The following CAPS2 variants were observed in gnomAD, a reference collection of about 807,000 sequenced individuals.
CAPS2 encodes the protein calcyphosin-2.
A neutral mutation model predicts 86.5 loss-of-function variants in CAPS2; 98 were observed. That is an observed-to-expected ratio of 1.13 (90% CI 0.96 to 1.34). CAPS2 has a LOEUF of 1.34. CAPS2 is among the 40% of genes most tolerant of loss of function. The pLI is 0.00. For synonymous variants in CAPS2, 210 were observed against 225.1 expected (o/e 0.93, Z 0.60); for missense variants, 729 against 686.8 (o/e 1.06, Z -0.69).
chr12:75,351,188 T>G (rs1344790922), intron 1 of CAPS2, among the ~76,000 whole-genome samples: 2 of 152,148 alleles, frequency 1.3e-5, no homozygotes, highest in African/African-American at 2.4e-5. Flanking sequence ...TATGAGATTA[T>G]GTAAGATTGA....
chr12:75,295,834 A>G (rs1251211566), intron 11 of CAPS2, among the ~76,000 whole-genome samples: 1 of 152,258 alleles, frequency 6.6e-6, no homozygotes. Flanking sequence ...TTAATCTTTT[A>G]GATCTTCATA....
chr12:75,295,335 T>C (rs895253129), intron 11 of CAPS2, among the ~76,000 whole-genome samples: 1 of 152,202 alleles, frequency 6.6e-6, no homozygotes, highest in Non-Finnish European at 1.5e-5. Context: ...ATAAAGCCTT[T>C]TGGGAAACCA....
At chr12:75,369,417 G>GC (rs1302844441) in intron 1 of CAPS2, 1 of 594,946 alleles carries the variant, frequency 1.7e-6, no homozygotes, top group African/African-American at 2.0e-5. Context: ...TCCAAAGCTA[G>GC]AATCATGCTG....
At chr12:75,343,898 A>G in intron 1 of CAPS2, 2 of 1,611,620 alleles carry the variant, frequency 1.2e-6, no homozygotes, top group Non-Finnish European at 8.5e-7. Context: ...TATGATTTTG[A>G]TAGTCTATCA....
At chr12:75,345,242 C>T (rs556463372) in intron 1 of CAPS2, among the ~76,000 whole-genome samples, 1 of 152,178 alleles carries the variant, frequency 6.6e-6, no homozygotes, top group Admixed American at 6.5e-5. Context: ...GGCAATAAAC[C>T]AGGACAATTA....
chr12:75,377,840 G>GATATATATATATATATAT (rs71078726), intron 1 of CAPS2, among the ~76,000 whole-genome samples: 2 of 146,970 alleles, frequency 1.4e-5, no homozygotes, highest in Admixed American at 6.8e-5. Flanking sequence ...AACCATCACA[G>GATATATATATATATATAT]ATATATATAT....
At chr12:75,298,008 G>C (rs965002794) in intron 11 of CAPS2, among the ~76,000 whole-genome samples, 2 of 152,042 alleles carry the variant, frequency 1.3e-5, no homozygotes, top group Admixed American at 1.3e-4. Flanking sequence ...CTATTAGACT[G>C]CCAGCTCCAA....
intron 1 of CAPS2, among the ~76,000 whole-genome samples, chr12:75,336,927 G>GA (rs200338423): frequency 5.3e-5 from 8 of 150,934 alleles, no homozygotes; most frequent in Admixed American, 2.0e-4. Context: ...TATATCTTCT[G>GA]AAAAAAAAGT....
Position 75,304,609 on chromosome 12 carries a change from C to A in CAPS2, c.779+148G>T, listed in dbSNP as rs556525999. 7 of 523,668 alleles carry A rather than the reference C, an allele frequency of 1.3e-5. No homozygotes were observed. The Admixed American group carries it at 1.5e-4, about 11-fold the overall frequency. The allele number at this position is 523,668 out of a possible 1,614,324, so 32.4% of individuals were successfully genotyped here. A position where few individuals can be genotyped will look rare whatever the true frequency, so the allele number is the denominator to read the frequency against. ...CCCCTAATATCATGAAGTAGCAGAA[C>A]TGGGAGCTGAACTCAAAAAATTCCA... On this transcript the variant is annotated intron_variant, in intron 8 of 16. Transcript: ENST00000393284.
At chr12:75,305,751 A>T in intron 7 of CAPS2, 3 of 707,702 alleles carry the variant, frequency 4.2e-6, no homozygotes, top group South Asian at 4.0e-5. Context: ...GACCAGAAGA[A>T]GATGATCATC....
intron 1 of CAPS2, among the ~76,000 whole-genome samples, chr12:75,342,311 T>C (rs912165626): frequency 2.0e-5 from 3 of 152,190 alleles, no homozygotes; most frequent in African/African-American, 4.8e-5. Context: ...GGTCTGTAGA[T>C]AATACCAATG....
chr12:75,389,772 A>G (rs1288391731), intron 1 of CAPS2, among the ~76,000 whole-genome samples: 1 of 152,170 alleles, frequency 6.6e-6, no homozygotes, highest in East Asian at 1.9e-4. Context: ...CTCCTCCACA[A>G]GAGTACCAAG....
At chr12:75,367,122 TTAGAA>T (rs1165644452) in intron 1 of CAPS2, 1 of 672,978 alleles carries the variant, frequency 1.5e-6, no homozygotes, top group Non-Finnish European at 2.7e-6. Context: ...AGAAGACACT[TTAGAA>T]TACACCTCCA....
At chr12:75,383,392 T>C (rs1202762130) in intron 1 of CAPS2, among the ~76,000 whole-genome samples, 1 of 152,172 alleles carries the variant, frequency 6.6e-6, no homozygotes, top group African/African-American at 2.4e-5. Context: ...GCTATATTAA[T>C]TTTGGCTGCA....
chr12:75,283,994 T>C (rs910817536), intron 15 of CAPS2, among the ~76,000 whole-genome samples: 1 of 152,134 alleles, frequency 6.6e-6, no homozygotes, highest in African/African-American at 2.4e-5. Context: ...TAAATTTCTA[T>C]TATTTCAGTC....
Position 75,293,244 on chromosome 12 carries a change from C to T in CAPS2, c.1163+5G>A. 6.5e-7 allele frequency: 1 copy of T among 1,547,390 alleles called. No individual in the cohort carries two copies. The highest frequency in any genetic ancestry group is 2.3e-5 in the East Asian group (1 of 44,144). ...TTCAAATTGCCAAATGCATATTTAA[C>T]TTACTTGAGAGAATCCAAAGCTATT... On this transcript the variant is annotated splice_donor_5th_base_variant and intron_variant, in intron 12 of 16. Coordinates refer to ENST00000393284, the Ensembl canonical transcript of CAPS2.
At chr12:75,277,231 A>G (rs1294186300) in exon 17 of CAPS2, 1 of 956,080 alleles carries the variant, frequency 1.0e-6, no homozygotes, top group Non-Finnish European at 1.2e-6. Context: ...TTTTTACAGT[A>G]TAACAGACTA....
chr12:75,304,263 A>AT (rs914185516), intron 8 of CAPS2, among the ~76,000 whole-genome samples: 3 of 152,200 alleles, frequency 2.0e-5, no homozygotes, highest in Non-Finnish European at 4.4e-5. Flanking sequence ...GTACTGGTAG[A>AT]TTTTTTTATG....
intron 1 of CAPS2, among the ~76,000 whole-genome samples, chr12:75,368,635 G>T (rs1014632958): frequency 7.9e-5 from 12 of 151,778 alleles, no homozygotes; most frequent in African/African-American, 2.9e-4. Context: ...TTAGAATTGT[G>T]CTTGGCCATA....
Sources: allele counts gnomAD v4.1 joint callset (sites outside exome capture counted in the v4.1 genomes callset), GRCh38; gene constraint gnomAD v4.1.1; transcripts MANE v1.5; gene names NCBI Gene and HGNC (gene_info 2026-07-23, HGNC 2026-07-21).